Variants in RABGAP1L observed in about 807,000 individuals in gnomAD.
RABGAP1L encodes the protein rab GTPase-activating protein 1-like.
A neutral mutation model predicts 137.7 loss-of-function variants in RABGAP1L; 63 were observed. That is an observed-to-expected ratio of 0.46 (90% confidence interval 0.37 to 0.56). The LOEUF is 0.56. RABGAP1L is among the 20% of genes least tolerant of loss of function. The probability of loss-of-function intolerance (pLI) is 0.00; values close to 1 mark genes in which losing one functional copy is unlikely to be tolerated. For synonymous variants in RABGAP1L, 431 were observed against 433.7 expected (o/e 0.99, Z 0.08); for missense variants, 1,095 against 1,244.0 (o/e 0.88, Z 1.80).
chr1:174,632,403 G>T, intron 13 of RABGAP1L, among the ~76,000 whole-genome samples: 1 of 148,204 alleles, frequency 6.7e-6, no homozygotes, highest in South Asian at 2.1e-4. Flanking sequence ...GTATCTTTGT[G>T]GCATTCTCTG....
intron 12 of RABGAP1L, among the ~76,000 whole-genome samples, chr1:174,372,339 T>C (rs1001667993): frequency 5.9e-5 from 9 of 152,148 alleles, no homozygotes; most frequent in Non-Finnish European, 8.8e-5. Flanking sequence ...AGCAGGATTA[T>C]GACATTATTC....
At position 174,349,531 on chromosome 1, in the gene RABGAP1L, C is replaced by G. The variant is rs1391754970; in HGVS notation, c.1466-21448C>G. Among the ~76,000 whole-genome samples, 9 of 131,652 alleles carry G rather than the reference C, an allele frequency of 6.8e-5. No individual in the cohort carries two copies. The East Asian group carries it at 2.4e-3, about 35-fold the overall frequency. 86.4% of individuals were successfully genotyped at this position (131,652 alleles called of 152,430 possible). On this transcript the variant is annotated intron_variant, in intron 11 of 25. Transcript: ENST00000681986. Reference sequence around the variant, plus strand: ...GCTCCTCACTTCCCAGTAGGGGCGGCCGGGCAGAGGCGCCCCTCACCTCCC... The same window carrying G: ...GCTCCTCACTTCCCAGTAGGGGCGGGCGGGCAGAGGCGCCCCTCACCTCCC...
chr1:174,466,829 G>A (rs570070880), intron 13 of RABGAP1L, among the ~76,000 whole-genome samples: 1 of 152,258 alleles, frequency 6.6e-6, no homozygotes, highest in Admixed American at 6.5e-5. Flanking sequence ...GGTTTAGCCT[G>A]CCCTCTAGAG....
chr1:174,743,037 C>T (rs554744881), intron 17 of RABGAP1L, among the ~76,000 whole-genome samples: 12 of 152,250 alleles, frequency 7.9e-5, no homozygotes, highest in East Asian at 1.9e-4. Flanking sequence ...CAGTCTAGGT[C>T]CTGCTGCTCA....
intron 3 of RABGAP1L, among the ~76,000 whole-genome samples, chr1:174,226,794 C>T (rs1052944841): frequency 6.6e-6 from 1 of 150,580 alleles, no homozygotes; most frequent in Admixed American, 6.6e-5. Context: ...AAAAAATTTT[C>T]ATCTATTTTT....
rs1672267827 is a variant in RABGAP1L, at chr1:174,994,753, A to G, written c.*4752A>G. ...CTATTTTTGGTATTTTGCATAATGC[A>G]TGGATCCTTAGTTCAAATGAGGGAC... On this transcript the variant is annotated 3_prime_UTR_variant, in exon 26 of 26. Transcript: ENST00000681986. 3 of 152,238 alleles carry G rather than the reference A, an allele frequency of 2.0e-5. No homozygotes were observed. The highest frequency in any genetic ancestry group is 6.5e-5 in the Admixed American group (1 of 15,280). The allele number at this position is 152,238 out of a possible 1,614,324, so 9.4% of individuals were successfully genotyped here. A position where few individuals can be genotyped will look rare whatever the true frequency, so the allele number is the denominator to read the frequency against.
intron 13 of RABGAP1L, among the ~76,000 whole-genome samples, chr1:174,457,496 T>C (rs961813727): frequency 7.4e-5 from 11 of 149,446 alleles, no homozygotes; most frequent in African/African-American, 2.7e-4. Context: ...TTTTTTTTTT[T>C]TTTGAGATGG....
At chr1:174,691,862 T>A (rs979957450) in intron 15 of RABGAP1L, among the ~76,000 whole-genome samples, 3 of 152,188 alleles carry the variant, frequency 2.0e-5, no homozygotes, top group Admixed American at 2.0e-4. Flanking sequence ...CCGTACTACC[T>A]CGTGGAGGAA....
intron 13 of RABGAP1L, among the ~76,000 whole-genome samples, chr1:174,613,628 C>T (rs1294902551): frequency 1.3e-5 from 2 of 152,110 alleles, no homozygotes; most frequent in Non-Finnish European, 2.9e-5. Context: ...CTTTCTGTCT[C>T]ATTGATCTGT....
chr1:174,183,575 A>G (rs1029093220), intron 1 of RABGAP1L, among the ~76,000 whole-genome samples: 8 of 152,216 alleles, frequency 5.3e-5, no homozygotes, highest in Admixed American at 4.6e-4. Flanking sequence ...ACATCAGGGT[A>G]GTAAATTTGT....
chr1:174,170,755 T>C (rs1327775691), intron 1 of RABGAP1L, among the ~76,000 whole-genome samples: 1 of 151,854 alleles, frequency 6.6e-6, no homozygotes, highest in African/African-American at 2.4e-5. Flanking sequence ...AGTGACTCTC[T>C]ACTACTACTC....
chr1:174,476,551 T>C (rs1390165436), intron 13 of RABGAP1L, among the ~76,000 whole-genome samples: 1 of 152,208 alleles, frequency 6.6e-6, no homozygotes, highest in Non-Finnish European at 1.5e-5. Context: ...AATTTGTGAG[T>C]ACCTCCACAA....
intron 19 of RABGAP1L, among the ~76,000 whole-genome samples, chr1:174,956,051 T>C (rs1206849729): frequency 1.3e-5 from 2 of 152,242 alleles, no homozygotes; most frequent in Non-Finnish European, 2.9e-5. Context: ...TGAATACTTA[T>C]TTTAAAAAAA....
chr1:174,446,352 C>G (rs1654765268), intron 13 of RABGAP1L, among the ~76,000 whole-genome samples: 1 of 152,104 alleles, frequency 6.6e-6, no homozygotes, highest in African/African-American at 2.4e-5. Context: ...AAGGACTTGC[C>G]TGAATGACTT....
intron 11 of RABGAP1L, among the ~76,000 whole-genome samples, chr1:174,353,294 A>T (rs1001332475): frequency 6.6e-6 from 1 of 151,590 alleles, no homozygotes; most frequent in African/African-American, 2.4e-5. Context: ...AGTCCTCTTT[A>T]CTCTCCCCTC....
At chr1:174,167,119 G>A (rs1384562698) in intron 1 of RABGAP1L, among the ~76,000 whole-genome samples, 1 of 152,156 alleles carries the variant, frequency 6.6e-6, no homozygotes, top group African/African-American at 2.4e-5. Flanking sequence ...CAAACACCAC[G>A]ATAAGAGTTC....
intron 13 of RABGAP1L, among the ~76,000 whole-genome samples, chr1:174,565,883 C>CTTTTT (rs1557854563): frequency 7.5e-6 from 1 of 133,186 alleles, no homozygotes. Context: ...GAATCCTTTA[C>CTTTTT]ATTTTTTTTT....
Position 174,550,923 on chromosome 1 carries a change from T to TACAC in RABGAP1L, c.1711-86451_1711-86450insCACA, listed in dbSNP as rs1666425708. ...ACACACACATATACACACACACACA[T>TACAC]ATATATATACACATATATATACACA... On this transcript the variant is annotated intron_variant, in intron 13 of 25. Transcript: ENST00000681986. 4.7e-4 allele frequency among the ~76,000 whole-genome samples: 25 copies of TACAC among 53,256 alleles called. No homozygotes were observed. In the South Asian group the frequency reaches 7.9e-3, roughly 17 times the overall value. The allele number at this position is 53,256 out of a possible 152,430, so 34.9% of individuals were successfully genotyped here. A position where few individuals can be genotyped will look rare whatever the true frequency, so the allele number is the denominator to read the frequency against.
At chr1:174,830,470 G>A (rs1199058927) in intron 19 of RABGAP1L, among the ~76,000 whole-genome samples, 2 of 146,152 alleles carry the variant, frequency 1.4e-5, no homozygotes, top group African/African-American at 2.5e-5. Flanking sequence ...TTGCCATGAG[G>A]TGTTATTTTT....
Sources: allele counts gnomAD v4.1 joint callset (sites outside exome capture counted in the v4.1 genomes callset), GRCh38; gene constraint gnomAD v4.1.1; transcripts MANE v1.5; gene names NCBI Gene and HGNC (gene_info 2026-07-23, HGNC 2026-07-21).